The following SYK variants were observed in gnomAD, a reference collection of about 807,000 sequenced individuals.
SYK encodes the protein tyrosine-protein kinase SYK.
A neutral mutation model predicts 77.8 loss-of-function variants in SYK; 16 were observed. That is an observed-to-expected ratio of 0.21 (90% CI 0.14 to 0.31). The LOEUF (loss-of-function observed/expected upper bound fraction) is 0.31, where lower values mean the gene tolerates loss of function less well. SYK is among the 10% of genes least tolerant of loss of function. The probability of loss-of-function intolerance (pLI) is 1.00; values close to 1 mark genes in which losing one functional copy is unlikely to be tolerated. For missense variants in SYK, 529 were observed against 814.4 expected (o/e 0.65, Z 4.26); for synonymous variants, 312 against 308.7 (o/e 1.01, Z -0.11).
intron 1 of SYK, among the ~76,000 whole-genome samples, chr9:90,817,844 G>A (rs1397369689): frequency 4.0e-5 from 3 of 74,104 alleles, no homozygotes; most frequent in Non-Finnish European, 7.9e-5. Flanking sequence ...TCTCAATAAT[G>A]TTGTGTGTGT....
At chr9:90,849,586 C>T (rs1178246726) in intron 3 of SYK, among the ~76,000 whole-genome samples, 1 of 152,222 alleles carries the variant, frequency 6.6e-6, no homozygotes, top group Non-Finnish European at 1.5e-5. Flanking sequence ...TAAATCATTA[C>T]TGATGGACAG....
Position 90,844,124 on chromosome 9 carries a change from A to G in SYK, c.226A>G (p.Ile76Val), listed in dbSNP as rs1826482260. 1 of 1,613,924 alleles carries G rather than the reference A, an allele frequency of 6.2e-7. No individual in the cohort carries two copies. The highest frequency in any genetic ancestry group is 8.5e-7 in the Non-Finnish European group (1 of 1,179,908). ...IERELNGTYA[I>V]AGGRTHASPA... is the part of the protein sequence containing the mutation. Reference sequence around the variant, plus strand: ...GCGGGAGCTGAATGGCACCTACGCCATCGCCGGTGGCAGGACCCATGCCAG... The same window carrying G: ...GCGGGAGCTGAATGGCACCTACGCCGTCGCCGGTGGCAGGACCCATGCCAG... The change falls in exon 2 of 14, where the codon ATC becomes GTC. Residue 76 changes from isoleucine (I) to valine (V), a missense_variant. Ile to Val is a conservative substitution (Grantham distance 29). Transcript: ENST00000375754.
intron 3 of SYK, among the ~76,000 whole-genome samples, chr9:90,847,183 G>T (rs951533273): frequency 6.6e-6 from 1 of 152,204 alleles, no homozygotes; most frequent in Non-Finnish European, 1.5e-5. Flanking sequence ...AACATGCCTT[G>T]TTCCCTATCT....
chr9:90,838,573 C>T (rs13302505), intron 1 of SYK, among the ~76,000 whole-genome samples: 1 of 152,204 alleles, frequency 6.6e-6, no homozygotes, highest in African/African-American at 2.4e-5. Flanking sequence ...ACCCTCCTTG[C>T]TGAACCACTA....
chr9:90,893,879 G>A (rs1005553404), intron 13 of SYK, among the ~76,000 whole-genome samples: 3 of 152,310 alleles, frequency 2.0e-5, no homozygotes, highest in Admixed American at 6.5e-5. Flanking sequence ...ACTCTGGCCC[G>A]AAAGCAGAGT....
intron 7 of SYK, among the ~76,000 whole-genome samples, chr9:90,868,662 A>G (rs1293026364): frequency 1.3e-5 from 2 of 152,320 alleles, no homozygotes; most frequent in African/African-American, 4.8e-5. Flanking sequence ...TATGGTGCTT[A>G]ACTGTGTCCA....
At chr9:90,815,181 G>A (rs946207919) in intron 1 of SYK, among the ~76,000 whole-genome samples, 1 of 152,196 alleles carries the variant, frequency 6.6e-6, no homozygotes, top group South Asian at 2.1e-4. Flanking sequence ...GAGAGGTAAC[G>A]TGTTTCTCAC....
At chr9:90,854,535 G>A (rs1457508206) in intron 3 of SYK, among the ~76,000 whole-genome samples, 2 of 152,154 alleles carry the variant, frequency 1.3e-5, no homozygotes, top group East Asian at 3.9e-4. Flanking sequence ...CACAGTTGCT[G>A]TACATGATCT....
chr9:90,855,286 C>G lies in SYK; in HGVS notation c.579-6920C>G, dbSNP rs555486792. Among the ~76,000 whole-genome samples, 3 of 152,298 alleles carry G rather than the reference C, an allele frequency of 2.0e-5. No individual in the cohort carries two copies. The South Asian group carries it at 6.2e-4, about 32-fold the overall frequency. On this transcript the variant is annotated intron_variant, in intron 3 of 13. Coordinates refer to ENST00000375754, the MANE Select transcript of SYK (RefSeq NM_003177.7). ...TTGCACTGCAAAGGATTAATAACAT[C>G]TGTTTCCAAAGCAAGGCGTCACCTG...
intron 8 of SYK, 135 bp downstream of exon 8, chr9:90,874,426 C>A: frequency 1.0e-6 from 1 of 965,994 alleles, no homozygotes; most frequent in Non-Finnish European, 1.6e-6. Context: ...GAAACACTCA[C>A]ATCTAGTGGC....
chr9:90,874,313 G>C (rs200144278), intron 8 of SYK, 22 bp downstream of exon 8: 6 of 1,612,626 alleles, frequency 3.7e-6, no homozygotes, highest in Non-Finnish European at 5.1e-6. Flanking sequence ...TTTCATTCAA[G>C]GGACATTCAC....
At chr9:90,838,914 A>G (rs1443187243) in intron 1 of SYK, among the ~76,000 whole-genome samples, 1 of 152,206 alleles carries the variant, frequency 6.6e-6, no homozygotes, top group Non-Finnish European at 1.5e-5. Context: ...CCTGCAGGGG[A>G]AAGTCACGGG....
intron 1 of SYK, chr9:90,827,555 C>T (rs1825702479): frequency 6.6e-6 from 1 of 152,158 alleles, no homozygotes; most frequent in Non-Finnish European, 1.5e-5. Context: ...GATTCCAGAT[C>T]TGCGTTTGAA....
At chr9:90,822,846 T>C (rs1825563722) in intron 1 of SYK, among the ~76,000 whole-genome samples, 1 of 152,182 alleles carries the variant, frequency 6.6e-6, no homozygotes, top group African/African-American at 2.4e-5. Context: ...TAATCATCTC[T>C]TTGAATAACA....
At chr9:90,861,943 C>T (rs577742141) in intron 3 of SYK, among the ~76,000 whole-genome samples, 1 of 152,324 alleles carries the variant, frequency 6.6e-6, no homozygotes, top group Admixed American at 6.5e-5. Flanking sequence ...TAGAGCTTAG[C>T]CATGGTCCAT....
intron 11 of SYK, among the ~76,000 whole-genome samples, chr9:90,886,466 A>G (rs1038888124): frequency 4.6e-5 from 7 of 152,212 alleles, no homozygotes; most frequent in Admixed American, 3.9e-4. Context: ...GCAGTTTTGG[A>G]AGCCCGAGGC....
At chr9:90,864,729 T>C (rs1251113406) in intron 5 of SYK, 62 bp downstream of exon 5, 1 of 1,467,108 alleles carries the variant, frequency 6.8e-7, no homozygotes, top group Non-Finnish European at 9.5e-7. Context: ...AGCCTCATTT[T>C]AGACTTAGCT....
chr9:90,875,708 C>T (rs559388030), intron 9 of SYK, among the ~76,000 whole-genome samples: 2 of 152,198 alleles, frequency 1.3e-5, no homozygotes, highest in South Asian at 2.1e-4. Context: ...GATAACAATA[C>T]ATATTATACA....
rs578002222 is a variant in SYK, at chr9:90,887,993, A to G, written c.1722+104A>G. On this transcript the variant is annotated intron_variant, in intron 12 of 13. Transcript: ENST00000375754. Reference sequence around the variant, plus strand: ...AAAATCCTAATCTGAGTCTCTCATTATCTTTTACCAGTAAGCAGTTAATGT... The same window carrying G: ...AAAATCCTAATCTGAGTCTCTCATTGTCTTTTACCAGTAAGCAGTTAATGT... 7.9e-5 allele frequency: 112 copies of G among 1,411,602 alleles called. No homozygotes were observed. The African/African-American group carries it at 1.5e-3, about 19-fold the overall frequency. 87.4% of individuals were successfully genotyped at this position (1,411,602 alleles called of 1,614,324 possible).
Sources: gnomAD v4.1 joint callset for allele counts (sites outside exome capture counted in the v4.1 genomes callset) on GRCh38, gnomAD v4.1.1 for gene constraint, MANE v1.5 for transcripts, NCBI Gene and HGNC (gene_info 2026-07-23, HGNC 2026-07-21) for gene names.